LGSN: variants seen among roughly 807,000 people sequenced by gnomAD.
LGSN encodes lengsin.
In LGSN, 21 loss-of-function variants were observed where a neutral mutation model predicts 19.5. The observed-to-expected ratio is 1.07, with a 90% CI of 0.76 to 1.55. The LOEUF (loss-of-function observed/expected upper bound fraction) is 1.55, where lower values mean the gene tolerates loss of function less well. LGSN is among the 40% of genes most tolerant of loss of function. LGSN has a pLI of 0.00. For synonymous variants in LGSN, 257 were observed against 215.6 expected, an observed-to-expected ratio of 1.19 and a Z score of -1.68; for missense variants, 673 against 608.5, an observed-to-expected ratio of 1.11 and a Z score of -1.12.
chr6:63,571,029 G>A, the LGSN span: 1 of 151,928 alleles, frequency 6.6e-6, no homozygotes, highest in East Asian at 1.9e-4. Context: ...TCATTTATTT[G>A]TAAAGGGACA....
Position 63,277,933 on chromosome 6 carries a change from G to C in LGSN, c.*2088C>G, listed in dbSNP as rs542176144. On this transcript the variant is annotated 3_prime_UTR_variant, in exon 4 of 4. Coordinates refer to ENST00000370657, the MANE Select transcript of LGSN (RefSeq NM_016571.3). ...AACCCCATCTCTACTAAAAGGCCAG[G>C]CATGGTAGCAGGCACCTGGGATCCC... The C allele has an allele frequency of 2.6e-5, 4 of 152,166 alleles. No homozygotes were observed. Among genetic ancestry groups the C allele is most frequent in the Non-Finnish European group, 4.4e-5 (3 of 68,170 alleles). 9.4% of individuals were successfully genotyped at this position (152,166 alleles called of 1,614,324 possible). A position where few individuals can be genotyped will look rare whatever the true frequency, so the allele number is the denominator to read the frequency against.
chr6:63,291,725 C>T (rs1767778106), intron 2 of LGSN, among the ~76,000 whole-genome samples: 1 of 152,176 alleles, frequency 6.6e-6, no homozygotes, highest in Admixed American at 6.5e-5. Flanking sequence ...AGGGGACTGC[C>T]CTCTTCTATG....
the LGSN span, among the ~76,000 whole-genome samples, chr6:63,433,749 G>A: frequency 2.0e-5 from 3 of 152,220 alleles, no homozygotes; most frequent in Admixed American, 2.0e-4. Flanking sequence ...TATAGGCCAT[G>A]AGTATTCATG....
At chr6:63,317,711 A>C (rs556638453) in intron 1 of LGSN, among the ~76,000 whole-genome samples, 1 of 152,252 alleles carries the variant, frequency 6.6e-6, no homozygotes, top group Admixed American at 6.5e-5. Context: ...AAGCCTCTAG[A>C]AGGTCAGGTA....
chr6:63,509,147 C>T, the LGSN span, among the ~76,000 whole-genome samples: 1 of 151,462 alleles, frequency 6.6e-6, no homozygotes, highest in Non-Finnish European at 1.5e-5. Context: ...TCACTGCAAC[C>T]TCCACCCCCT....
At position 63,278,443 on chromosome 6, in the gene LGSN, T is replaced by G. The variant is rs1049787378; in HGVS notation, c.*1578A>C. On this transcript the variant is annotated 3_prime_UTR_variant, in exon 4 of 4. Transcript: ENST00000370657. ...TTTCTCTCTACCCCATATGCATCCATGAATTTTATTCTTCTCTTTTTTTTA... is the reference window on the plus strand; with the variant it reads ...TTTCTCTCTACCCCATATGCATCCAGGAATTTTATTCTTCTCTTTTTTTTA... The G allele has an allele frequency of 4.6e-5, 7 of 152,102 alleles. No individual in the cohort carries two copies. Among genetic ancestry groups the G allele is most frequent in the African/African-American group, 1.7e-4 (7 of 41,404 alleles). 9.4% of individuals were successfully genotyped at this position (152,102 alleles called of 1,614,324 possible). A position where few individuals can be genotyped will look rare whatever the true frequency, so the allele number is the denominator to read the frequency against.
chr6:63,458,064 A>T, the LGSN span, among the ~76,000 whole-genome samples: 21 of 114,586 alleles, frequency 1.8e-4, no homozygotes, highest in Non-Finnish European at 3.5e-4. Flanking sequence ...TTTTATTTTT[A>T]TTTATTTATT....
At chr6:63,357,614 G>A in the LGSN span, among the ~76,000 whole-genome samples, 1 of 152,128 alleles carries the variant, frequency 6.6e-6, no homozygotes, top group Non-Finnish European at 1.5e-5. Flanking sequence ...GTGTCTTTTG[G>A]CTGCATAAAT....
the LGSN span, among the ~76,000 whole-genome samples, chr6:63,462,669 A>G: frequency 6.6e-6 from 1 of 152,212 alleles, no homozygotes; most frequent in African/African-American, 2.4e-5. Context: ...GTTTACTTCA[A>G]ACTTTTCACT....
At chr6:63,282,508 T>C (rs932599939) in intron 3 of LGSN, among the ~76,000 whole-genome samples, 1 of 152,224 alleles carries the variant, frequency 6.6e-6, no homozygotes, top group Non-Finnish European at 1.5e-5. Context: ...TATCCTTACA[T>C]GGTGGAAGGA....
the LGSN span, among the ~76,000 whole-genome samples, chr6:63,360,003 T>C: frequency 6.6e-6 from 1 of 152,358 alleles, no homozygotes; most frequent in African/African-American, 2.4e-5. Context: ...CACTCTCTTC[T>C]GGATTGTAGA....
chr6:63,465,443 A>C, the LGSN span, among the ~76,000 whole-genome samples: 1 of 151,842 alleles, frequency 6.6e-6, no homozygotes, highest in Non-Finnish European at 1.5e-5. Context: ...TGGCCTCCCA[A>C]AATGCTGGGA....
the LGSN span, among the ~76,000 whole-genome samples, chr6:63,494,112 G>C: frequency 6.6e-6 from 1 of 151,960 alleles, no homozygotes; most frequent in South Asian, 2.1e-4. Flanking sequence ...ACCGTGTCCG[G>C]CTAATTTTTG....
At chr6:63,519,613 G>A in the LGSN span, among the ~76,000 whole-genome samples, 1 of 152,128 alleles carries the variant, frequency 6.6e-6, no homozygotes, top group African/African-American at 2.4e-5. Flanking sequence ...CCTGTTTTGT[G>A]ACTCAATTAC....
chr6:63,329,338 G>T, the LGSN span, among the ~76,000 whole-genome samples: 80 of 152,114 alleles, frequency 5.3e-4, no homozygotes, highest in African/African-American at 1.7e-3. Flanking sequence ...TGTCCAGAAC[G>T]ATGAACCATT....
At chr6:63,444,395 A>G in the LGSN span, among the ~76,000 whole-genome samples, 1 of 152,212 alleles carries the variant, frequency 6.6e-6, no homozygotes, top group Non-Finnish European at 1.5e-5. Flanking sequence ...TGTGTGATAG[A>G]CTAAAATCAT....
At chr6:63,449,327 A>T in the LGSN span, among the ~76,000 whole-genome samples, 1 of 152,176 alleles carries the variant, frequency 6.6e-6, no homozygotes, top group Non-Finnish European at 1.5e-5. Flanking sequence ...CGGGCGGATC[A>T]CAAGGTCAAG....
At chr6:63,534,809 A>ATAAAGAATTTCTTTAGTAAAGAATTTCG in the LGSN span, among the ~76,000 whole-genome samples, 2 of 152,072 alleles carry the variant, frequency 1.3e-5, no homozygotes, top group Non-Finnish European at 2.9e-5. Context: ...AAAGAATTTC[A>ATAAAGAATTTCTTTAGTAAAGAATTTCG]TAAAGAATTT....
the LGSN span, among the ~76,000 whole-genome samples, chr6:63,500,266 GA>G: frequency 0.54 from 80,981 of 150,194 alleles, 23,451 homozygotes; most frequent in African/African-American, 0.77. Flanking sequence ...AAGTATAATG[GA>G]AAAAAAAAAG....
Sources: gnomAD v4.1 joint callset for allele counts (sites outside exome capture counted in the v4.1 genomes callset) on GRCh38, gnomAD v4.1.1 for gene constraint, MANE v1.5 for transcripts, NCBI Gene and HGNC (gene_info 2026-07-23, HGNC 2026-07-21) for gene names.